ZNF445: variants seen among roughly 807,000 people sequenced by gnomAD.
ZNF445 encodes zinc finger protein 168.
Under a neutral mutation model 93.9 loss-of-function variants are expected in ZNF445, and 19 were observed. The ratio of observed to expected loss-of-function variants is 0.20; its 90% CI spans 0.14 to 0.30. The LOEUF (loss-of-function observed/expected upper bound fraction) is 0.30. ZNF445 is among the 10% of genes least tolerant of loss of function. ZNF445 has a pLI of 1.00. For missense variants in ZNF445, 1,058 were observed against 1,259.4 expected (o/e 0.84, Z 2.42); for synonymous variants, 449 against 446.3 (o/e 1.01, Z -0.08).
intron 3 of ZNF445, among the ~76,000 whole-genome samples, chr3:44,454,122 G>A (rs1335969786): frequency 6.6e-6 from 1 of 151,672 alleles, no homozygotes; most frequent in African/African-American, 2.4e-5. Flanking sequence ...AGACCAGCCT[G>A]GCCAAAATGG....
Position 44,455,117 on chromosome 3 carries a change from T to C in ZNF445, c.429+4A>G. The stretch of plus-strand genomic sequence containing the variant: ...CTGGGCACCACACACTTGCTCACAC[T>C]CACCCTCCAGGATGTCCCATCAAGG... On this transcript the variant is annotated splice_donor_region_variant and intron_variant, in intron 3 of 7. Coordinates refer to ENST00000396077, the MANE Select transcript of ZNF445 (RefSeq NM_181489.6). 2 of 1,613,976 alleles carry C rather than the reference T, an allele frequency of 1.2e-6. No homozygotes were observed. The highest frequency in any genetic ancestry group is 1.7e-6 in the Non-Finnish European group (2 of 1,179,990).
In ZNF445 at chr3:44,437,400, T is replaced by C. The variant is rs1697703747; in HGVS notation, c.*9175A>G. On this transcript the variant is annotated 3_prime_UTR_variant, in exon 8 of 8. Transcript: ENST00000396077. ...CCCAGTAGGTCTCAGCCTCATTTTG[T>C]TACAGGAAAGGGGTCCCGATCCAGA... 1 of 152,134 alleles carries C rather than the reference T, an allele frequency of 6.6e-6. No homozygotes were observed. Among genetic ancestry groups the C allele is most frequent in the South Asian group, 2.1e-4 (1 of 4,822 alleles). 9.4% of individuals were successfully genotyped at this position (152,134 alleles called of 1,614,324 possible).
At chr3:44,457,885 C>T (rs143099882) in intron 2 of ZNF445, among the ~76,000 whole-genome samples, 17 of 151,932 alleles carry the variant, frequency 1.1e-4, no homozygotes, top group East Asian at 3.9e-4. Context: ...TGATGGCATG[C>T]GCCTGTAATC....
Position 44,434,330 on chromosome 3 carries a change from G to C in ZNF445, c.*12245C>G, listed in dbSNP as rs1464374781. 6.6e-6 allele frequency: 1 copy of C among 151,208 alleles called. No homozygotes were observed. Among genetic ancestry groups the C allele is most frequent in the Non-Finnish European group, 1.5e-5 (1 of 67,894 alleles). The allele number at this position is 151,208 out of a possible 1,614,324, so 9.4% of individuals were successfully genotyped here. A position where few individuals can be genotyped will look rare whatever the true frequency, so the allele number is the denominator to read the frequency against. On this transcript the variant is annotated 3_prime_UTR_variant, in exon 8 of 8. Transcript: ENST00000396077. ...ACAGGCTGAGGAAGCAGCTTCACTT[G>C]TACCCAGGAGGTGCAGGTTGCAGTG...
chr3:44,436,557 C>T lies in ZNF445; in HGVS notation c.*10018G>A, dbSNP rs1697683982. ...GATAAATACTCAAGCATTTTTATCT[C>T]CTTAAGCATTTACATATCTTCCTCT... On this transcript the variant is annotated 3_prime_UTR_variant, in exon 8 of 8. Transcript: ENST00000396077. The T allele has an allele frequency of 6.6e-6, 1 of 152,176 alleles. No homozygotes were observed. The allele number at this position is 152,176 out of a possible 1,614,324, so 9.4% of individuals were successfully genotyped here.
At chr3:44,467,976 G>C (rs1482246006) in intron 1 of ZNF445, among the ~76,000 whole-genome samples, 1 of 152,110 alleles carries the variant, frequency 6.6e-6, no homozygotes, top group Non-Finnish European at 1.5e-5. Flanking sequence ...CCTCATCCTA[G>C]GACTCATTAT....
At chr3:44,460,879 G>A (rs957157755) in intron 1 of ZNF445, among the ~76,000 whole-genome samples, 4 of 152,124 alleles carry the variant, frequency 2.6e-5, no homozygotes, top group African/African-American at 9.7e-5. Flanking sequence ...GACTGCCCTT[G>A]TAGCTACCTG....
intron 1 of ZNF445, among the ~76,000 whole-genome samples, chr3:44,463,686 G>A (rs1698152471): frequency 6.6e-6 from 1 of 152,218 alleles, no homozygotes; most frequent in South Asian, 2.1e-4. Flanking sequence ...CTGCACACTT[G>A]GATCAGAAAA....
intron 1 of ZNF445, among the ~76,000 whole-genome samples, chr3:44,469,862 C>T (rs1344862775): frequency 6.6e-6 from 1 of 152,224 alleles, no homozygotes; most frequent in African/African-American, 2.4e-5. Context: ...CAAGATGTGA[C>T]ACCTACAGTC....
chr3:44,453,610 T>C (rs1018343232), intron 3 of ZNF445, among the ~76,000 whole-genome samples: 1 of 152,204 alleles, frequency 6.6e-6, no homozygotes, highest in African/African-American at 2.4e-5. Flanking sequence ...CATGTATTTT[T>C]ATATAAAGAA....
chr3:44,451,825 T>G (rs193015095), intron 3 of ZNF445, among the ~76,000 whole-genome samples: 4 of 152,234 alleles, frequency 2.6e-5, no homozygotes, highest in Admixed American at 1.3e-4. Flanking sequence ...ACCCCAGGCC[T>G]GTAACTTAGA....
At chr3:44,451,638 C>T (rs990224347) in intron 3 of ZNF445, among the ~76,000 whole-genome samples, 156 bp from the exon 4 acceptor site, 2 of 152,166 alleles carry the variant, frequency 1.3e-5, no homozygotes, top group Non-Finnish European at 2.9e-5. Flanking sequence ...GCAAGAAGAA[C>T]GCCCAGGGAG....
chr3:44,444,923 AC>A lies in ZNF445; in HGVS notation c.*1651del, dbSNP rs1273099498. 6.6e-6 allele frequency: 1 copy of A among 152,168 alleles called. No homozygotes were observed. Among genetic ancestry groups the A allele is most frequent in the East Asian group, 1.9e-4 (1 of 5,196 alleles). The allele number at this position is 152,168 out of a possible 1,614,324, so 9.4% of individuals were successfully genotyped here. On this transcript the variant is annotated 3_prime_UTR_variant, in exon 8 of 8. Coordinates refer to ENST00000396077, the MANE Select transcript of ZNF445 (RefSeq NM_181489.6). ...ATTTTATCCTTTCATTCATAATCTG[AC>A]CTCTTCAATAATCAGAAGCAATGAT...
Position 44,455,575 on chromosome 3 carries a change from A to G in ZNF445, c.-26T>C, listed in dbSNP as rs1339923618. On this transcript the variant is annotated 5_prime_UTR_variant, in exon 3 of 8. Coordinates refer to ENST00000396077, the MANE Select transcript of ZNF445 (RefSeq NM_181489.6). ...CACTCCTGTTCAGGGACTAACCAGA[A>G]GAGTGCGAACCAAGTCCACCTTAGA... is the stretch of plus-strand genomic sequence containing the variant. 7.1e-6 allele frequency: 11 copies of G among 1,544,466 alleles called. No individual in the cohort carries two copies. The South Asian group carries it at 1.1e-4, about 16-fold the overall frequency.
intron 2 of ZNF445, 81 bp from the exon 3 acceptor site, chr3:44,455,777 T>C (rs11712946): frequency 5.5e-4 from 277 of 499,954 alleles, no homozygotes; most frequent in Non-Finnish European, 8.4e-4. Context: ...TCTTTGTATA[T>C]ATAAGAAGAG....
intron 1 of ZNF445, among the ~76,000 whole-genome samples, chr3:44,468,403 T>A (rs932457431): frequency 1.3e-5 from 2 of 152,194 alleles, no homozygotes; most frequent in African/African-American, 4.8e-5. Context: ...CAGTTTATAG[T>A]TTAAATAAAG....
chr3:44,451,369 G>C lies in ZNF445; in HGVS notation c.543C>G (p.Asp181Glu). 1 of 1,614,154 alleles carries C rather than the reference G, an allele frequency of 6.2e-7. No homozygotes were observed. The highest frequency in any genetic ancestry group is 8.5e-7 in the Non-Finnish European group (1 of 1,180,016). ...SPLRSSSALG[D>E]HLEPPYEIEA... ...CTATTTCATAGGGAGGCTCCAGGTGGTCCCCCAGAGCAGAGCTGCTCCTGA... is the reference window on the plus strand; with the variant it reads ...CTATTTCATAGGGAGGCTCCAGGTGCTCCCCCAGAGCAGAGCTGCTCCTGA... The change falls in exon 4 of 8, where the codon GAC becomes GAG. Residue 181 changes from aspartate (D) to glutamate (E), a missense_variant. Physicochemically the swap from Asp to Glu is conservative, Grantham distance 45. Transcript: ENST00000396077.
chr3:44,457,944 T>C (rs547251820), intron 2 of ZNF445, among the ~76,000 whole-genome samples: 2 of 131,036 alleles, frequency 1.5e-5, no homozygotes, highest in South Asian at 4.7e-4. Flanking sequence ...AGCTGGGCGG[T>C]AGAGGTTACA....
chr3:44,445,092 C>T lies in ZNF445; in HGVS notation c.*1483G>A, dbSNP rs1235962067. 1 of 152,232 alleles carries T rather than the reference C, an allele frequency of 6.6e-6. No homozygotes were observed. Among genetic ancestry groups the T allele is most frequent in the African/African-American group, 2.4e-5 (1 of 41,460 alleles). The allele number at this position is 152,232 out of a possible 1,614,324, so 9.4% of individuals were successfully genotyped here. On this transcript the variant is annotated 3_prime_UTR_variant, in exon 8 of 8. Coordinates refer to ENST00000396077, the MANE Select transcript of ZNF445 (RefSeq NM_181489.6). Reference sequence around the variant, plus strand: ...CTCCTGAGAGCAGCAGGCACATGCACTTGTTCCTTCGGGTTGAATCTGATT... The same window carrying T: ...CTCCTGAGAGCAGCAGGCACATGCATTTGTTCCTTCGGGTTGAATCTGATT...
Sources: allele counts gnomAD v4.1 joint callset (sites outside exome capture counted in the v4.1 genomes callset), GRCh38; gene constraint gnomAD v4.1.1; transcripts MANE v1.5; gene names NCBI Gene and HGNC (gene_info 2026-07-23, HGNC 2026-07-21).